The following KLF12 variants were observed in gnomAD, a reference collection of about 807,000 sequenced individuals.
KLF12 encodes KLF transcription factor 12, also known as Krueppel-like factor 12.
KLF12 carries 9 observed loss-of-function variants against 37.8 expected under a neutral mutation model. That is an observed-to-expected ratio of 0.24 (90% CI 0.14 to 0.42). The LOEUF (loss-of-function observed/expected upper bound fraction) is 0.42, where lower values mean the gene tolerates loss of function less well. KLF12 is among the 10% of genes least tolerant of loss of function. The pLI is 1.00. For missense variants in KLF12, 411 were observed against 516.0 expected, an observed-to-expected ratio of 0.80 and a Z score of 1.97; for synonymous variants, 208 against 202.1, an observed-to-expected ratio of 1.03 and a Z score of -0.25.
At chr13:73,775,576 G>C (rs976143008) in intron 5 of KLF12, among the ~76,000 whole-genome samples, 28 of 152,058 alleles carry the variant, frequency 1.8e-4, no homozygotes, top group Non-Finnish European at 3.8e-4. Flanking sequence ...TCAGTAAATG[G>C]TACATTAAGG....
At chr13:74,078,592 T>C (rs907905571) in intron 1 of KLF12, among the ~76,000 whole-genome samples, 1 of 152,246 alleles carries the variant, frequency 6.6e-6, no homozygotes, top group African/African-American at 2.4e-5. Flanking sequence ...TATAGAAATA[T>C]ATGTATACAC....
intron 3 of KLF12, among the ~76,000 whole-genome samples, chr13:73,913,575 A>G (rs2139167433): frequency 6.6e-6 from 1 of 152,334 alleles, no homozygotes; most frequent in African/African-American, 2.4e-5. Context: ...TGTTACTCAC[A>G]GAGTATACTG....
At chr13:74,099,708 T>C (rs956748874) in intron 1 of KLF12, among the ~76,000 whole-genome samples, 1 of 152,156 alleles carries the variant, frequency 6.6e-6, no homozygotes, top group Non-Finnish European at 1.5e-5. Context: ...TTTCATAAAA[T>C]TCCTCACACA....
chr13:73,944,483 T>G lies in KLF12; in HGVS notation c.34-413A>C, dbSNP rs902917749. On this transcript the variant is annotated intron_variant, in intron 2 of 7. Coordinates refer to ENST00000377669, the MANE Select transcript of KLF12 (RefSeq NM_007249.5). Reference sequence around the variant, plus strand: ...ATAAAGGAGAAAATCACATAAAAATTTATAAACTCTCATATTAGTCAAAGC... The same window carrying G: ...ATAAAGGAGAAAATCACATAAAAATGTATAAACTCTCATATTAGTCAAAGC... Among the ~76,000 whole-genome samples the G allele has an allele frequency of 2.0e-5, 3 of 152,236 alleles. 1 individual carries two copies. The highest frequency in any genetic ancestry group is 4.4e-5 in the Non-Finnish European group (3 of 68,038).
chr13:74,221,073 C>G, the KLF12 span, among the ~76,000 whole-genome samples: 2 of 150,348 alleles, frequency 1.3e-5, no homozygotes, highest in Middle Eastern at 3.6e-3. Context: ...GGTGCTATCT[C>G]GGCTCACTGC....
At chr13:74,214,881 GC>G in the KLF12 span, among the ~76,000 whole-genome samples, 3 of 151,822 alleles carry the variant, frequency 2.0e-5, no homozygotes, top group African/African-American at 7.3e-5. Context: ...TGCAACCTCT[GC>G]CCCCCGGGTT....
chr13:74,004,477 A>G (rs1312002386), intron 1 of KLF12, among the ~76,000 whole-genome samples: 1 of 152,192 alleles, frequency 6.6e-6, no homozygotes, highest in Non-Finnish European at 1.5e-5. Flanking sequence ...GTTTGGCTCC[A>G]GTCTTCATGA....
At chr13:74,032,172 G>A (rs1009742882) in intron 1 of KLF12, among the ~76,000 whole-genome samples, 6 of 152,136 alleles carry the variant, frequency 3.9e-5, no homozygotes, top group African/African-American at 1.2e-4. Flanking sequence ...TAAAACCTAC[G>A]ATATGTAGTA....
chr13:73,818,587 C>T (rs1883359721), intron 4 of KLF12, among the ~76,000 whole-genome samples: 1 of 152,272 alleles, frequency 6.6e-6, no homozygotes, highest in South Asian at 2.1e-4. Flanking sequence ...CTTGCCTATG[C>T]ACCCACTCTT....
At chr13:73,718,028 T>C (rs1263208253) in intron 6 of KLF12, among the ~76,000 whole-genome samples, 2 of 152,218 alleles carry the variant, frequency 1.3e-5, no homozygotes, top group Admixed American at 6.5e-5. Flanking sequence ...GAGAAAATGA[T>C]AGAGTATTTG....
At chr13:74,192,985 T>G in the KLF12 span, among the ~76,000 whole-genome samples, 1 of 150,760 alleles carries the variant, frequency 6.6e-6, no homozygotes, top group Non-Finnish European at 1.5e-5. Context: ...TTCTGTTTTT[T>G]TTTTTTTTTT....
At chr13:73,906,124 T>C (rs1888280774) in intron 3 of KLF12, among the ~76,000 whole-genome samples, 2 of 152,164 alleles carry the variant, frequency 1.3e-5, no homozygotes, top group South Asian at 4.1e-4. Context: ...TGTCACCAAC[T>C]CCAATTTTTT....
At chr13:73,771,168 G>A (rs1413399928) in intron 5 of KLF12, among the ~76,000 whole-genome samples, 8 of 152,088 alleles carry the variant, frequency 5.3e-5, no homozygotes, top group African/African-American at 1.2e-4. Flanking sequence ...CTCATGGCAC[G>A]GGGTACTTAG....
the KLF12 span, among the ~76,000 whole-genome samples, chr13:74,169,418 A>G: frequency 6.6e-6 from 1 of 152,330 alleles, no homozygotes; most frequent in East Asian, 1.9e-4. Flanking sequence ...AAAATATTAA[A>G]CAATTGCAGA....
At chr13:73,975,160 C>T (rs1445403677) in intron 2 of KLF12, among the ~76,000 whole-genome samples, 3 of 152,086 alleles carry the variant, frequency 2.0e-5, no homozygotes, top group East Asian at 3.9e-4. Context: ...TTTTGTTGTG[C>T]TTCTGCTTTT....
intron 3 of KLF12, among the ~76,000 whole-genome samples, chr13:73,892,023 T>C (rs1416167809): frequency 7.0e-6 from 1 of 142,100 alleles, no homozygotes. Flanking sequence ...TCATTGACAA[T>C]ATTTTTTTTT....
the KLF12 span, among the ~76,000 whole-genome samples, chr13:74,189,631 C>T: frequency 1.3e-5 from 2 of 152,174 alleles, no homozygotes; most frequent in Non-Finnish European, 2.9e-5. Flanking sequence ...ATCTGCCTTT[C>T]ACCTCACTCT....
chr13:73,877,133 T>C (rs2138919909), intron 3 of KLF12, among the ~76,000 whole-genome samples: 1 of 152,338 alleles, frequency 6.6e-6, no homozygotes, highest in East Asian at 1.9e-4. Context: ...TCAGCAGTTA[T>C]TCTCAATTTT....
At chr13:74,128,210 TCA>T (rs1207329715) in intron 1 of KLF12, among the ~76,000 whole-genome samples, 2 of 152,198 alleles carry the variant, frequency 1.3e-5, no homozygotes, top group East Asian at 3.8e-4. Flanking sequence ...TTTCTCAAGG[TCA>T]CAGAGCAAAT....
Sources: gnomAD v4.1 joint callset for allele counts (sites outside exome capture counted in the v4.1 genomes callset) on GRCh38, gnomAD v4.1.1 for gene constraint, MANE v1.5 for transcripts, NCBI Gene and HGNC (gene_info 2026-07-23, HGNC 2026-07-21) for gene names.